LARP4B: variants seen among roughly 807,000 people sequenced by gnomAD.
The protein encoded by LARP4B is la-related protein 4B.
LARP4B carries 12 observed loss-of-function variants against 89.8 expected under a neutral mutation model. The ratio of observed to expected loss-of-function variants is 0.13; its 90% CI spans 0.09 to 0.22. The LOEUF is 0.22. Ranked by LOEUF, LARP4B falls within the 10% of genes least tolerant of loss-of-function variation. LARP4B has a pLI of 1.00. For missense variants in LARP4B, 757 were observed against 947.7 expected (o/e 0.80, Z 2.64); for synonymous variants, 367 against 363.3 (o/e 1.01, Z -0.12).
chr10:836,771 G>A (rs866845812), intron 7 of LARP4B, among the ~76,000 whole-genome samples: 4 of 152,118 alleles, frequency 2.6e-5, no homozygotes, highest in African/African-American at 7.2e-5. Flanking sequence ...CAGGGTTAAC[G>A]GCTTTCTCCT....
chr10:831,512 G>C (rs1832905128), intron 8 of LARP4B, among the ~76,000 whole-genome samples: 2 of 152,172 alleles, frequency 1.3e-5, no homozygotes, highest in Admixed American at 6.5e-5. Context: ...GAGCCGGCAG[G>C]GTAAGCCTGC....
intron 1 of LARP4B, among the ~76,000 whole-genome samples, chr10:913,480 A>C (rs1033535864): frequency 6.6e-6 from 1 of 152,052 alleles, no homozygotes; most frequent in African/African-American, 2.4e-5. Context: ...TTTGGTAAAT[A>C]AAGATTAGTT....
intron 7 of LARP4B, among the ~76,000 whole-genome samples, chr10:837,252 A>G (rs1833267195): frequency 6.6e-6 from 1 of 152,242 alleles, no homozygotes. Flanking sequence ...CTTAGTTTTT[A>G]TATCTTAATC....
At chr10:971,265 C>G in the LARP4B span, 1 of 152,064 alleles carries the variant, frequency 6.6e-6, no homozygotes, top group Non-Finnish European at 1.5e-5. Flanking sequence ...TTTTGTCACT[C>G]TTAGGTGAAT....
At chr10:920,572 C>T (rs972883292) in intron 1 of LARP4B, among the ~76,000 whole-genome samples, 1 of 151,444 alleles carries the variant, frequency 6.6e-6, no homozygotes, top group African/African-American at 2.4e-5. Flanking sequence ...CCAGGAGTTG[C>T]AGACCAGCCT....
upstream of LARP4B, among the ~76,000 whole-genome samples, chr10:935,810 C>T (rs147320762): frequency 2.2e-3 from 331 of 150,590 alleles, 1 homozygote; most frequent in African/African-American, 7.9e-3. Flanking sequence ...CCTGCGCCTA[C>T]CGAGTTCAAG....
rs1181067285 is a variant in LARP4B, at chr10:825,210, T to G, written c.1339A>C (p.Asn447His). 1.2e-6 allele frequency: 2 copies of G among 1,614,194 alleles called. No homozygotes were observed. Among genetic ancestry groups the G allele is most frequent in the South Asian group, 2.2e-5 (2 of 91,080 alleles). Residue 447 changes from asparagine (N) to histidine (H), a missense_variant, in exon 13 of 18, where the codon AAT (asparagine) becomes CAT (histidine). Physicochemically the swap from Asn to His is moderately conservative, Grantham distance 68 (BLOSUM62 1). Coordinates refer to ENST00000316157, the MANE Select transcript of LARP4B (RefSeq NM_015155.3). ...CTTGTTTGTGGACTCCGGACACCATTAATTAATCGATCTGCAGTGAAGTTA... is the reference window on the plus strand; with the variant it reads ...CTTGTTTGTGGACTCCGGACACCATGAATTAATCGATCTGCAGTGAAGTTA... The part of the protein sequence containing the change: ...IFNFTADRLI[N>H]GVRSPQTRQA...
chr10:909,610 C>A lies in LARP4B; in HGVS notation c.-40+21818G>T, dbSNP rs185891061. Among the ~76,000 whole-genome samples, 19 of 151,942 alleles carry A rather than the reference C, an allele frequency of 1.3e-4. No individual in the cohort carries two copies. In the East Asian group the frequency reaches 3.1e-3, roughly 25 times the overall value. On this transcript the variant is annotated intron_variant, in intron 1 of 17. Coordinates refer to ENST00000316157, the MANE Select transcript of LARP4B (RefSeq NM_015155.3). ...GACCAGCCTGGCCAACATGGTGAAA[C>A]CTCGTCTCTACTAAAAGTACAAAAA...
chr10:881,012 G>T (rs1835646989), intron 3 of LARP4B, among the ~76,000 whole-genome samples: 1 of 152,182 alleles, frequency 6.6e-6, no homozygotes, highest in Non-Finnish European at 1.5e-5. Context: ...CAGGTACTTG[G>T]CTGGTCGCAC....
the LARP4B span, among the ~76,000 whole-genome samples, chr10:975,947 C>T: frequency 4.0e-5 from 6 of 149,376 alleles, no homozygotes; most frequent in African/African-American, 1.2e-4. Flanking sequence ...GTAAGCCTGT[C>T]GTGCAACGTG....
chr10:967,940 G>A, the LARP4B span, among the ~76,000 whole-genome samples: 2 of 152,124 alleles, frequency 1.3e-5, no homozygotes, highest in Non-Finnish European at 2.9e-5. Flanking sequence ...GACCTCAGGC[G>A]ATCCGCCCGC....
intron 14 of LARP4B, chr10:818,406 T>C (rs1832174183): frequency 6.6e-6 from 1 of 152,180 alleles, no homozygotes; most frequent in Non-Finnish European, 1.5e-5. Flanking sequence ...ATCAAAAAAG[T>C]GGTTTAACAA....
chr10:817,256 G>A lies in LARP4B; in HGVS notation c.1695+469C>T, dbSNP rs866824785. Reference sequence around the variant, plus strand: ...GGATGATATTCACTGCAGTGGAGGCGGCACCTCGTGGGGCAGCCCAGACCT... The same window carrying A: ...GGATGATATTCACTGCAGTGGAGGCAGCACCTCGTGGGGCAGCCCAGACCT... On this transcript the variant is annotated intron_variant, in intron 15 of 17. Coordinates refer to ENST00000316157, the MANE Select transcript of LARP4B (RefSeq NM_015155.3). Among the ~76,000 whole-genome samples the A allele has an allele frequency of 4.2e-4, 64 of 152,282 alleles. No individual in the cohort carries two copies. The Middle Eastern group carries it at 0.017, about 40-fold the overall frequency.
chr10:895,527 T>A (rs919423654), intron 1 of LARP4B, among the ~76,000 whole-genome samples: 1 of 151,724 alleles, frequency 6.6e-6, no homozygotes, highest in Non-Finnish European at 1.5e-5. Flanking sequence ...GGTGAAACCA[T>A]GTGTCTACTA....
At chr10:826,654 C>T (rs992734846) in intron 11 of LARP4B, among the ~76,000 whole-genome samples, 12 of 152,140 alleles carry the variant, frequency 7.9e-5, no homozygotes, top group Non-Finnish European at 4.4e-5. Flanking sequence ...GGCTTCTGGA[C>T]CCATGGTTTC....
chr10:831,443 G>A lies in LARP4B; in HGVS notation c.751-466C>T, dbSNP rs573369605. ...AGGCCCTGAACCCCAGCGTGAACAC[G>A]AGTGTGATCCCTGAGAGGGACATGA... On this transcript the variant is annotated intron_variant, in intron 8 of 17. Transcript: ENST00000316157. 2.3e-4 allele frequency among the ~76,000 whole-genome samples: 35 copies of A among 152,296 alleles called. No homozygotes were observed. In the South Asian group the frequency reaches 7.1e-3, roughly 31 times the overall value.
rs953783058 is a variant in LARP4B at position 900,359 on chromosome 10, T to G, written c.-39-14599A>C. 1.1e-4 allele frequency among the ~76,000 whole-genome samples: 11 copies of G among 99,916 alleles called. No homozygotes were observed. In the East Asian group the frequency reaches 3.5e-3, roughly 32 times the overall value. 65.5% of individuals were successfully genotyped at this position (99,916 alleles called of 152,430 possible). On this transcript the variant is annotated intron_variant, in intron 1 of 17. Coordinates refer to ENST00000316157, the MANE Select transcript of LARP4B (RefSeq NM_015155.3). ...AAAACTCCATCTCAAAAAATAAAAATAAAAAAATGATAATAATAAAAAGCA... is the reference window on the plus strand; with the variant it reads ...AAAACTCCATCTCAAAAAATAAAAAGAAAAAAATGATAATAATAAAAAGCA...
chr10:821,347 C>A (rs1298280730), intron 13 of LARP4B, among the ~76,000 whole-genome samples: 2 of 152,230 alleles, frequency 1.3e-5, no homozygotes, highest in Non-Finnish European at 1.5e-5. Flanking sequence ...CCCCTTCCCA[C>A]GAAAACCACA....
At chr10:905,563 T>G (rs1836465806) in intron 1 of LARP4B, among the ~76,000 whole-genome samples, 1 of 152,224 alleles carries the variant, frequency 6.6e-6, no homozygotes, top group Non-Finnish European at 1.5e-5. Flanking sequence ...TTTACTCCTG[T>G]CTTTGCAATT....
Sources: gnomAD v4.1 joint callset for allele counts (sites outside exome capture counted in the v4.1 genomes callset) on GRCh38, gnomAD v4.1.1 for gene constraint, MANE v1.5 for transcripts, NCBI Gene and HGNC (gene_info 2026-07-23, HGNC 2026-07-21) for gene names.